Variants in TLN2 observed in about 807,000 individuals in gnomAD.
TLN2 encodes the protein talin-2.
TLN2 carries 118 observed loss-of-function variants against 294.7 expected under a neutral mutation model. The ratio of observed to expected loss-of-function variants is 0.40; its 90% CI spans 0.34 to 0.47. The LOEUF is 0.47. Among genes scored for constraint, TLN2 ranks in the 20% least tolerant of loss-of-function variants. The pLI is 0.84. For missense variants in TLN2, 3,083 were observed against 3,282.2 expected (o/e 0.94, Z 1.48); for synonymous variants, 1,431 against 1,304.5 (o/e 1.10, Z -2.09).
intron 54 of TLN2, chr15:62,833,240 C>T (rs2069067478): frequency 2.4e-6 from 1 of 413,410 alleles, no homozygotes; most frequent in South Asian, 4.1e-5. Flanking sequence ...TGGCCATTGT[C>T]TCTTAATGCC....
At chr15:62,425,329 C>T (rs1034187029) in intron 1 of TLN2, among the ~76,000 whole-genome samples, 9 of 152,074 alleles carry the variant, frequency 5.9e-5, no homozygotes, top group African/African-American at 2.2e-4. Flanking sequence ...GGAATACTGC[C>T]TGCGGTTGAT....
Position 62,738,942 on chromosome 15 carries a change from A to T in TLN2, c.3688-406A>T, listed in dbSNP as rs1360376935. ...ATTAGTTTGGAAGAACGTGATTTGA[A>T]GTTTGAGAGCATCTGCCTTTTAGTT... On this transcript the variant is annotated intron_variant, in intron 30 of 58. Transcript: ENST00000636159. Among the ~76,000 whole-genome samples, 6 of 152,314 alleles carry T rather than the reference A, an allele frequency of 3.9e-5. No homozygotes were observed. In the Middle Eastern group the frequency reaches 0.01, roughly 259 times the overall value.
chr15:62,637,185 G>C (rs1168935943), intron 3 of TLN2: 1 of 152,160 alleles, frequency 6.6e-6, no homozygotes, highest in Non-Finnish European at 1.5e-5. Context: ...ACCTGGTCTT[G>C]ACCTTCACTT....
At chr15:62,609,674 C>A (rs940949989) in intron 2 of TLN2, among the ~76,000 whole-genome samples, 1 of 152,118 alleles carries the variant, frequency 6.6e-6, no homozygotes, top group African/African-American at 2.4e-5. Context: ...CATGTGGTGC[C>A]CAATCTAGAT....
intron 22 of TLN2, among the ~76,000 whole-genome samples, chr15:62,714,189 G>GTTTTTTTTTTTTTTTTTTT (rs5813163): frequency 3.1e-5 from 3 of 96,392 alleles, no homozygotes; most frequent in Non-Finnish European, 3.9e-5. Flanking sequence ...CAATGTGCAC[G>GTTTTTTTTTTTTTTTTTTT]TTTTTTTTTT....
intron 1 of TLN2, among the ~76,000 whole-genome samples, chr15:62,520,919 A>G (rs1478530378): frequency 6.6e-6 from 1 of 152,234 alleles, no homozygotes; most frequent in East Asian, 1.9e-4. Context: ...AACTCCTTAC[A>G]TACTTAGTCC....
intron 30 of TLN2, 71 bp downstream of exon 30, chr15:62,738,404 T>G: frequency 6.5e-7 from 1 of 1,539,874 alleles, no homozygotes; most frequent in Non-Finnish European, 8.8e-7. Flanking sequence ...GAAGTCTTCT[T>G]CTCTCCATGA....
intron 1 of TLN2, among the ~76,000 whole-genome samples, chr15:62,405,341 A>G (rs1320367520): frequency 6.6e-6 from 1 of 152,110 alleles, no homozygotes; most frequent in African/African-American, 2.4e-5. Context: ...GGGACTGGGG[A>G]CAGGCACCCT....
At chr15:62,766,572 G>GGCATCCTCTCCAGC (rs1373854794) in intron 41 of TLN2, 150 bp downstream of exon 41, 7 of 651,220 alleles carry the variant, frequency 1.1e-5, no homozygotes. Context: ...AAATAACACT[G>GGCATCCTCTCCAGC]AACCTCTCTC....
intron 12 of TLN2, among the ~76,000 whole-genome samples, chr15:62,692,468 T>C (rs1383298023): frequency 1.3e-5 from 2 of 152,212 alleles, no homozygotes; most frequent in African/African-American, 4.8e-5. Flanking sequence ...TTAGTCTCTC[T>C]TGGGCTCCCC....
Position 62,672,982 on chromosome 15 carries a change from T to G in TLN2, c.789-845T>G, listed in dbSNP as rs143741171. Among the ~76,000 whole-genome samples, 159 of 152,244 alleles carry G rather than the reference T, an allele frequency of 1.0e-3. 2 individuals are homozygous for G. The East Asian group carries it at 0.026, about 25-fold the overall frequency. ...TTTATCTATTTTATGCTGAAAAGCT[T>G]GGTTCCTAACAGCAACCATAATTAC... On this transcript the variant is annotated intron_variant, in intron 9 of 58. Coordinates refer to ENST00000636159, the MANE Select transcript of TLN2 (RefSeq NM_015059.3).
At chr15:62,718,693 G>C (rs753751671) in intron 24 of TLN2, among the ~76,000 whole-genome samples, 4 of 152,200 alleles carry the variant, frequency 2.6e-5, no homozygotes, top group African/African-American at 7.2e-5. Flanking sequence ...TGAGGCCTCT[G>C]CTGTGGAGGA....
chr15:62,539,426 C>G (rs2041545766), intron 1 of TLN2, among the ~76,000 whole-genome samples: 2 of 152,066 alleles, frequency 1.3e-5, no homozygotes, highest in African/African-American at 4.8e-5. Flanking sequence ...CAGAAAAGGA[C>G]AGCATATATG....
chr15:62,441,371 A>G (rs1220983965), intron 1 of TLN2, among the ~76,000 whole-genome samples: 1 of 152,238 alleles, frequency 6.6e-6, no homozygotes, highest in Non-Finnish European at 1.5e-5. Flanking sequence ...AGCTGGGAGT[A>G]CAGCCACATG....
intron 53 of TLN2, among the ~76,000 whole-genome samples, chr15:62,819,976 G>A (rs2067427508): frequency 6.6e-6 from 1 of 152,102 alleles, no homozygotes; most frequent in Admixed American, 6.5e-5. Flanking sequence ...TGAAAATGAT[G>A]CTACCTGAAA....
intron 2 of TLN2, among the ~76,000 whole-genome samples, chr15:62,593,131 A>C (rs751192549): frequency 6.6e-6 from 1 of 152,224 alleles, no homozygotes; most frequent in African/African-American, 2.4e-5. Flanking sequence ...TGTACCAGTC[A>C]TTTAAGGGCT....
In TLN2 at chr15:62,673,331, A is replaced by C. The variant is rs965989635; in HGVS notation, c.789-496A>C. Reference sequence around the variant, plus strand: ...GTTGCTTTTTTTTTTTTTTTTTTGCAATTTCATGTGGTTCTAAAGTGAAAA... The same window carrying C: ...GTTGCTTTTTTTTTTTTTTTTTTGCCATTTCATGTGGTTCTAAAGTGAAAA... On this transcript the variant is annotated intron_variant, in intron 9 of 58. Coordinates refer to ENST00000636159, the MANE Select transcript of TLN2 (RefSeq NM_015059.3). Among the ~76,000 whole-genome samples, 17 of 7,542 alleles carry C rather than the reference A, an allele frequency of 2.3e-3. 1 individual carries two copies. Among genetic ancestry groups the C allele is most frequent in the African/African-American group, 4.1e-3 (15 of 3,622 alleles). 4.9% of individuals were successfully genotyped at this position (7,542 alleles called of 152,430 possible).
intron 1 of TLN2, among the ~76,000 whole-genome samples, chr15:62,505,183 T>C (rs1391946575): frequency 2.0e-5 from 3 of 152,110 alleles, no homozygotes; most frequent in Non-Finnish European, 2.9e-5. Flanking sequence ...AGTCTCGAAC[T>C]CCTGACCTTG....
chr15:62,679,249 T>C (rs1346804731), intron 11 of TLN2, among the ~76,000 whole-genome samples: 1 of 152,196 alleles, frequency 6.6e-6, no homozygotes, highest in South Asian at 2.1e-4. Context: ...AAATACCGTA[T>C]GATCCAGCAA....
Sources: allele counts gnomAD v4.1 joint callset (sites outside exome capture counted in the v4.1 genomes callset), GRCh38; gene constraint gnomAD v4.1.1; transcripts MANE v1.5; gene names NCBI Gene and HGNC (gene_info 2026-07-23, HGNC 2026-07-21).